ACTL8: variants seen among roughly 807,000 people sequenced by gnomAD.
ACTL8 encodes the protein actin like 8.
Under a neutral mutation model 9.3 loss-of-function variants are expected in ACTL8, and 3 were observed. The observed-to-expected ratio is 0.32, with a 90% CI of 0.15 to 0.83. ACTL8 has a LOEUF of 0.83. Among genes scored for constraint, ACTL8 ranks in the 40% least tolerant of loss-of-function variants. The probability of loss-of-function intolerance (pLI) is 0.57; values close to 1 mark genes in which losing one functional copy is unlikely to be tolerated. For synonymous variants in ACTL8, 224 were observed against 205.9 expected, an observed-to-expected ratio of 1.09 and a Z score of -0.75; for missense variants, 381 against 492.2, an observed-to-expected ratio of 0.77 and a Z score of 2.14.
chr1:17,769,851 T>C (rs2102677707), intron 1 of ACTL8, among the ~76,000 whole-genome samples: 1 of 152,294 alleles, frequency 6.6e-6, no homozygotes, highest in South Asian at 2.1e-4. Flanking sequence ...ATAATTGAAA[T>C]TTTAAATGTT....
intron 1 of ACTL8, among the ~76,000 whole-genome samples, chr1:17,773,337 T>A (rs2066096427): frequency 6.6e-6 from 1 of 152,210 alleles, no homozygotes; most frequent in South Asian, 2.1e-4. Context: ...CCTTGCTCTG[T>A]GAGCTTAGCC....
chr1:17,789,701 G>T (rs2066224337), intron 1 of ACTL8, among the ~76,000 whole-genome samples: 1 of 152,184 alleles, frequency 6.6e-6, no homozygotes, highest in African/African-American at 2.4e-5. Context: ...TAAGAAACTT[G>T]GGTTCAGAGA....
chr1:17,765,062 G>A (rs905245588), intron 1 of ACTL8, among the ~76,000 whole-genome samples: 5 of 152,236 alleles, frequency 3.3e-5, no homozygotes, highest in African/African-American at 1.2e-4. Flanking sequence ...AGTTGGAAGG[G>A]ATGCTGCTGG....
intron 1 of ACTL8, among the ~76,000 whole-genome samples, chr1:17,796,306 C>CTGTGTGTG (rs3063168): frequency 0.074 from 10,959 of 147,912 alleles, 527 homozygotes; most frequent in African/African-American, 0.13. Flanking sequence ...ATGCGTGCAC[C>CTGTGTGTG]TGTGTGTGTG....
rs576629616 is a variant in ACTL8 at position 17,790,611 on chromosome 1, A to G, written c.-24-32374A>G. 2.6e-5 allele frequency among the ~76,000 whole-genome samples: 4 copies of G among 152,298 alleles called. No homozygotes were observed. In the East Asian group the frequency reaches 7.7e-4, roughly 29 times the overall value. The stretch of plus-strand genomic sequence containing the variant: ...TGGGCACCCATGGGCGGGCCCAGAA[A>G]AGGCACCACAAGTTCCCACTCTGTG... On this transcript the variant is annotated intron_variant, in intron 1 of 2. Transcript: ENST00000375406.
chr1:17,825,324 C>G (rs2053705012), intron 2 of ACTL8, among the ~76,000 whole-genome samples: 1 of 147,450 alleles, frequency 6.8e-6, no homozygotes, highest in Non-Finnish European at 1.5e-5. Context: ...TTTTTCTTGT[C>G]TGTCTTATCT....
chr1:17,805,375 TTC>T (rs1557442426), intron 1 of ACTL8, among the ~76,000 whole-genome samples: 6 of 51,792 alleles, frequency 1.2e-4, no homozygotes, highest in East Asian at 1.5e-3. Flanking sequence ...CTTTTTCTTT[TTC>T]TTTTTTTTTT....
chr1:17,761,134 A>AT (rs935834059), intron 1 of ACTL8, among the ~76,000 whole-genome samples: 2,642 of 131,372 alleles, frequency 0.02, 64 homozygotes, highest in East Asian at 0.054. Flanking sequence ...TTGCGGCTTA[A>AT]TTTTTTTTTT....
In ACTL8 at chr1:17,823,485, G is replaced by A. The variant is rs2053682847; in HGVS notation, c.348+129G>A. On this transcript the variant is annotated intron_variant, in intron 2 of 2. Coordinates refer to ENST00000375406, the MANE Select transcript of ACTL8 (RefSeq NM_030812.3). This position sits in a 1 kb window ranked among gnomAD's most constrained non-coding sequence, Gnocchi z 5.3. ...CAACCAGGTGTGGTGGCTTATGCCT[G>A]TAATCCCAACACTTTGGGACTCCCA... The A allele has an allele frequency of 2.2e-6, 2 of 904,874 alleles. No homozygotes were observed. Among genetic ancestry groups the A allele is most frequent in the Non-Finnish European group, 3.3e-6 (2 of 613,196 alleles). The allele number at this position is 904,874 out of a possible 1,614,324, so 56.1% of individuals were successfully genotyped here. A position where few individuals can be genotyped will look rare whatever the true frequency, so the allele number is the denominator to read the frequency against.
intron 1 of ACTL8, among the ~76,000 whole-genome samples, chr1:17,788,290 G>A (rs529337463): frequency 4.5e-4 from 69 of 152,314 alleles, no homozygotes; most frequent in African/African-American, 1.6e-3. Context: ...GGTCCCCAAG[G>A]TTGGTTAAGA....
intron 1 of ACTL8, among the ~76,000 whole-genome samples, chr1:17,791,154 C>T (rs1447640313): frequency 6.6e-6 from 1 of 152,148 alleles, no homozygotes; most frequent in Non-Finnish European, 1.5e-5. Context: ...GGGTCTGCTG[C>T]CATAGTTCAG....
intron 1 of ACTL8, among the ~76,000 whole-genome samples, chr1:17,770,273 C>T (rs1362625980): frequency 6.6e-6 from 1 of 152,234 alleles, no homozygotes; most frequent in Non-Finnish European, 1.5e-5. Flanking sequence ...GCTACCTTTT[C>T]TCTCCTCGTA....
At chr1:17,784,803 G>A (rs2066183942) in intron 1 of ACTL8, among the ~76,000 whole-genome samples, 1 of 152,182 alleles carries the variant, frequency 6.6e-6, no homozygotes. Context: ...GACACAACAT[G>A]GGCTTGGGTA....
intron 1 of ACTL8, among the ~76,000 whole-genome samples, chr1:17,783,473 C>T (rs1570011113): frequency 6.6e-6 from 1 of 151,924 alleles, no homozygotes; most frequent in Non-Finnish European, 1.5e-5. Flanking sequence ...ATCACTTGTG[C>T]TCGCTTTGGC....
chr1:17,777,359 G>A (rs189596705), intron 1 of ACTL8, among the ~76,000 whole-genome samples: 36 of 152,188 alleles, frequency 2.4e-4, no homozygotes, highest in African/African-American at 8.7e-4. Context: ...TTCTTGGGTG[G>A]CACAGCGCCC....
chr1:17,792,526 T>C (rs1342059805), intron 1 of ACTL8, among the ~76,000 whole-genome samples: 1 of 152,234 alleles, frequency 6.6e-6, no homozygotes, highest in Non-Finnish European at 1.5e-5. Flanking sequence ...ACAACATTCA[T>C]GTTCTGCTGT....
intron 1 of ACTL8, among the ~76,000 whole-genome samples, chr1:17,761,852 T>C (rs1252738696): frequency 6.6e-6 from 1 of 152,140 alleles, no homozygotes; most frequent in African/African-American, 2.4e-5. Context: ...ATTACAGGCG[T>C]GAGCTGCCGC....
chr1:17,769,104 A>G (rs1384651522), intron 1 of ACTL8, among the ~76,000 whole-genome samples: 4 of 152,144 alleles, frequency 2.6e-5, no homozygotes, highest in Non-Finnish European at 5.9e-5. Flanking sequence ...GCTTCTTGCT[A>G]CGTCGCCCAG....
intron 1 of ACTL8, among the ~76,000 whole-genome samples, chr1:17,783,670 C>T (rs957786312): frequency 4.6e-5 from 7 of 152,190 alleles, no homozygotes; most frequent in Non-Finnish European, 7.3e-5. Context: ...GCACGGTCGT[C>T]GGGCTGGAGA....
Sources: gnomAD v4.1 joint callset for allele counts (sites outside exome capture counted in the v4.1 genomes callset) on GRCh38, gnomAD v4.1.1 for gene constraint, Gnocchi (gnomAD v3.1) non-coding constraint, MANE v1.5 for transcripts, NCBI Gene and HGNC (gene_info 2026-07-23, HGNC 2026-07-21) for gene names.